SEPTIN9: variants seen among roughly 807,000 people sequenced by gnomAD.
The protein encoded by SEPTIN9 is septin-9.
SEPTIN9 carries 13 observed loss-of-function variants against 56.6 expected under a neutral mutation model. The observed-to-expected ratio is 0.23, with a 90% CI of 0.15 to 0.37. SEPTIN9 has a LOEUF of 0.37. SEPTIN9 is among the 10% of genes least tolerant of loss of function. SEPTIN9 has a pLI of 1.00. For missense variants in SEPTIN9, 650 were observed against 823.1 expected, an observed-to-expected ratio of 0.79 and a Z score of 2.57; for synonymous variants, 332 against 334.1, an observed-to-expected ratio of 0.99 and a Z score of 0.07.
chr17:77,325,688 TTGCTCGGCTCTCCCTC>T lies in SEPTIN9; in HGVS notation c.76+18494_76+18509del, dbSNP rs531061302. Among the ~76,000 whole-genome samples the T allele has an allele frequency of 1.8e-3, 273 of 152,310 alleles. 2 individuals are homozygous for T. Among genetic ancestry groups the T allele is most frequent in the African/African-American group, 6.2e-3 (258 of 41,576 alleles). On this transcript the variant is annotated intron_variant, in intron 2 of 11. Transcript: ENST00000427177. ...GGCTGAGTGTTTCCAGCCTGTCCCCTTGCTCGGCTCTCCCTCTGGGGAAGCCCCTGCAGCCCATTCT... is the reference window on the plus strand; with the variant it reads ...GGCTGAGTGTTTCCAGCCTGTCCCCTTGGGGAAGCCCCTGCAGCCCATTCT...
At chr17:77,343,473 C>A (rs1431080833) in intron 2 of SEPTIN9, among the ~76,000 whole-genome samples, 1 of 152,158 alleles carries the variant, frequency 6.6e-6, no homozygotes. Flanking sequence ...CATTTGTATC[C>A]TTTGAAATAT....
rs926190898 is a variant in SEPTIN9 at position 77,319,305 on chromosome 17, A to AC, written c.76+12114dup. Among the ~76,000 whole-genome samples the AC allele has an allele frequency of 7.9e-5, 12 of 152,026 alleles. No homozygotes were observed. Among genetic ancestry groups the AC allele is most frequent in the Admixed American group, 7.9e-4 (12 of 15,268 alleles). On this transcript the variant is annotated intron_variant, in intron 2 of 11. Coordinates refer to ENST00000427177, the MANE Select transcript of SEPTIN9 (RefSeq NM_001113491.2). The surrounding 1 kb of genome is among the most constrained non-coding windows in gnomAD (Gnocchi z 5.3). ...GGACCCTGACCATGTGCTGGTGGGG[A>AC]CCCCCCAGGTAAGTAAGCAGCCTCT...
chr17:77,498,901 A>C lies in SEPTIN9; in HGVS notation c.*243A>C, dbSNP rs747262298. ...GCCACAGGCAGGGGTGAGAGCACCC[A>C]CTGAATTGACATGACCCTCTGTCCC... On this transcript the variant is annotated 3_prime_UTR_variant, in exon 12 of 12. Transcript: ENST00000427177. The C allele has an allele frequency of 5.0e-5, 29 of 580,674 alleles. No homozygotes were observed. In the African/African-American group the frequency reaches 5.1e-4, roughly 10 times the overall value. The allele number at this position is 580,674 out of a possible 1,614,324, so 36.0% of individuals were successfully genotyped here.
At chr17:77,386,053 G>A (rs759183227) in intron 2 of SEPTIN9, among the ~76,000 whole-genome samples, 3 of 152,208 alleles carry the variant, frequency 2.0e-5, no homozygotes, top group Non-Finnish European at 4.4e-5. Context: ...CATCTGCCTG[G>A]CCCGGGGTGG....
At chr17:77,303,079 C>T (rs1356565144) in intron 1 of SEPTIN9, among the ~76,000 whole-genome samples, 2 of 151,910 alleles carry the variant, frequency 1.3e-5, no homozygotes, top group East Asian at 1.9e-4. Flanking sequence ...TGCCATATCT[C>T]GTCAAAGTGT....
intron 2 of SEPTIN9, among the ~76,000 whole-genome samples, chr17:77,311,094 C>A (rs947857496): frequency 3.9e-5 from 6 of 152,050 alleles, no homozygotes; most frequent in Admixed American, 6.5e-5. Context: ...CTAAATCCAA[C>A]AACTGGTGTC....
intron 2 of SEPTIN9, among the ~76,000 whole-genome samples, chr17:77,328,140 C>T (rs1315931709): frequency 6.6e-6 from 1 of 151,202 alleles, no homozygotes; most frequent in African/African-American, 2.4e-5. Context: ...CCAGGGCGTC[C>T]TGTGCCCAGG....
At chr17:77,415,384 A>G (rs1260925244) in intron 3 of SEPTIN9, among the ~76,000 whole-genome samples, 1 of 152,196 alleles carries the variant, frequency 6.6e-6, no homozygotes, top group Non-Finnish European at 1.5e-5. Context: ...AGGCAGGCAG[A>G]TCACCTGAGG....
At chr17:77,373,135 G>T in intron 2 of SEPTIN9, 1 of 975,084 alleles carries the variant, frequency 1.0e-6, no homozygotes, top group Non-Finnish European at 1.2e-6. Context: ...GGAGGAGGGG[G>T]GCGCTCCGGT....
chr17:77,440,945 A>C (rs993003164), intron 3 of SEPTIN9, among the ~76,000 whole-genome samples: 1 of 152,176 alleles, frequency 6.6e-6, no homozygotes, highest in Admixed American at 6.5e-5. Flanking sequence ...ATGGCTCCCA[A>C]ATAGGGCCTG....
At chr17:77,396,478 A>G (rs2035717395) in intron 2 of SEPTIN9, among the ~76,000 whole-genome samples, 1 of 152,164 alleles carries the variant, frequency 6.6e-6, no homozygotes, top group African/African-American at 2.4e-5. Context: ...CTCCCTCCAC[A>G]GGGAAGATGG....
At chr17:77,375,078 T>C (rs145356004) in intron 2 of SEPTIN9, 1 of 140,430 alleles carries the variant, frequency 7.1e-6, no homozygotes, top group Non-Finnish European at 1.6e-5. Context: ...CTGGACATCT[T>C]TGGGCACATG....
In SEPTIN9 at chr17:77,456,691, G is replaced by A. The variant is rs1263855569; in HGVS notation, c.722-25453G>A. Among the ~76,000 whole-genome samples, 1 of 151,984 alleles carries A rather than the reference G, an allele frequency of 6.6e-6. No homozygotes were observed. The highest frequency in any genetic ancestry group is 1.5e-5 in the Non-Finnish European group (1 of 67,960). ...ACCAGGTCTCAGGGACCAGCACCGG[G>A]TACCCACAGCCAGGGACGGGCCCCC... On this transcript the variant is annotated intron_variant, in intron 3 of 11. Transcript: ENST00000427177. This position sits in a 1 kb window ranked among gnomAD's most constrained non-coding sequence, Gnocchi z 6.0.
chr17:77,482,386 G>T (rs765141633), intron 4 of SEPTIN9, 51 bp downstream of exon 4: 10 of 1,581,866 alleles, frequency 6.3e-6, no homozygotes, highest in Non-Finnish European at 8.6e-6. Flanking sequence ...ACCAGCCTCA[G>T]CCCCCAGGGC....
chr17:77,397,558 T>C (rs962935323), intron 2 of SEPTIN9, among the ~76,000 whole-genome samples: 1 of 152,180 alleles, frequency 6.6e-6, no homozygotes, highest in Admixed American at 6.5e-5. Flanking sequence ...CAGACGAAAG[T>C]GAATCTTCAC....
At chr17:77,380,124 G>A (rs550747601) in intron 2 of SEPTIN9, 30 of 170,716 alleles carry the variant, frequency 1.8e-4, no homozygotes, top group African/African-American at 5.5e-4. Context: ...CCGAGGCTCC[G>A]TTTAGACTGG....
intron 3 of SEPTIN9, among the ~76,000 whole-genome samples, chr17:77,427,352 CA>C (rs1236146000): frequency 6.6e-6 from 1 of 152,182 alleles, no homozygotes; most frequent in Non-Finnish European, 1.5e-5. Flanking sequence ...GGGGAAAGGA[CA>C]AAGCTCTCTG....
chr17:77,373,103 C>A (rs1010628003), intron 2 of SEPTIN9: 2 of 787,634 alleles, frequency 2.5e-6, no homozygotes, highest in Non-Finnish European at 3.1e-6. Context: ...CTCTCGCCGT[C>A]CCCTGGGCGC....
chr17:77,463,632 C>T (rs1394820176), intron 3 of SEPTIN9, among the ~76,000 whole-genome samples: 1 of 152,022 alleles, frequency 6.6e-6, no homozygotes, highest in East Asian at 1.9e-4. Flanking sequence ...CACCTGAGGC[C>T]AGGAGTTGGA....
Sources: gnomAD v4.1 joint callset for allele counts (sites outside exome capture counted in the v4.1 genomes callset) on GRCh38, gnomAD v4.1.1 for gene constraint, Gnocchi (gnomAD v3.1) non-coding constraint, MANE v1.5 for transcripts, NCBI Gene and HGNC (gene_info 2026-07-23, HGNC 2026-07-21) for gene names.